CDH12: variants seen among roughly 807,000 people sequenced by gnomAD.
CDH12 encodes cadherin 12, also known as cadherin-12.
Under a neutral mutation model 74.1 loss-of-function variants are expected in CDH12, and 41 were observed. The ratio of observed to expected loss-of-function variants is 0.55; its 90% CI spans 0.43 to 0.72. CDH12 has a LOEUF of 0.72. Ranked by LOEUF, CDH12 falls within the 30% of genes least tolerant of loss-of-function variation. The pLI, the probability that CDH12 is intolerant of heterozygous loss-of-function variation, is 0.00. For missense variants in CDH12, 945 were observed against 977.2 expected (o/e 0.97, Z 0.44); for synonymous variants, 399 against 355.0 (o/e 1.12, Z -1.39).
At chr5:21,863,579 G>T (rs1203819396) in intron 6 of CDH12, among the ~76,000 whole-genome samples, 1 of 152,102 alleles carries the variant, frequency 6.6e-6, no homozygotes, top group Non-Finnish European at 1.5e-5. Flanking sequence ...ACACAGAAAA[G>T]ACAGAAATAC....
At chr5:22,692,221 C>T (rs1174609207) in intron 1 of CDH12, among the ~76,000 whole-genome samples, 1 of 152,182 alleles carries the variant, frequency 6.6e-6, no homozygotes, top group East Asian at 1.9e-4. Flanking sequence ...TGAACTGAAG[C>T]AGTCTGGGGC....
chr5:22,618,997 G>A (rs1170212879), intron 1 of CDH12, among the ~76,000 whole-genome samples: 2 of 152,042 alleles, frequency 1.3e-5, no homozygotes, highest in Admixed American at 6.6e-5. Flanking sequence ...GTGGAACTGT[G>A]AGTTCATTAA....
intron 4 of CDH12, among the ~76,000 whole-genome samples, chr5:22,122,251 A>C (rs1745561254): frequency 6.6e-6 from 1 of 152,032 alleles, no homozygotes; most frequent in South Asian, 2.1e-4. Context: ...AAAAATACAA[A>C]AATTAGGTGG....
chr5:21,812,643 A>T (rs1272773232), intron 9 of CDH12, among the ~76,000 whole-genome samples: 1 of 152,116 alleles, frequency 6.6e-6, no homozygotes, highest in African/African-American at 2.4e-5. Context: ...ATTTTCTCAC[A>T]TTTTTATTAA....
intron 1 of CDH12, among the ~76,000 whole-genome samples, chr5:22,613,859 C>G (rs534922680): frequency 2.8e-4 from 42 of 152,026 alleles, no homozygotes; most frequent in African/African-American, 9.6e-4. Flanking sequence ...TTCCCAAATG[C>G]TAGATTGTAG....
chr5:22,737,041 A>G (rs535394735), intron 1 of CDH12, among the ~76,000 whole-genome samples: 1 of 152,086 alleles, frequency 6.6e-6, no homozygotes, highest in East Asian at 1.9e-4. Flanking sequence ...TATTCAGAAG[A>G]TATAGAGAGA....
At chr5:22,092,890 A>G (rs1200876761) in intron 4 of CDH12, among the ~76,000 whole-genome samples, 2 of 152,184 alleles carry the variant, frequency 1.3e-5, no homozygotes, top group Non-Finnish European at 2.9e-5. Flanking sequence ...AAAATCTCAT[A>G]TATTCATATG....
intron 3 of CDH12, among the ~76,000 whole-genome samples, chr5:22,370,645 T>C (rs908270309): frequency 6.6e-6 from 1 of 152,144 alleles, no homozygotes; most frequent in Non-Finnish European, 1.5e-5. Flanking sequence ...TAGCACTTAT[T>C]ATATGCCTAG....
chr5:22,129,701 C>T (rs899748741), intron 4 of CDH12, among the ~76,000 whole-genome samples: 1 of 151,612 alleles, frequency 6.6e-6, no homozygotes, highest in African/African-American at 2.4e-5. Context: ...TTTTTTCATT[C>T]GAAATAAATT....
chr5:22,742,260 C>A (rs768126595), intron 1 of CDH12, among the ~76,000 whole-genome samples: 4 of 151,668 alleles, frequency 2.6e-5, no homozygotes, highest in Non-Finnish European at 4.4e-5. Flanking sequence ...AAAGAAAAGA[C>A]CTTCCAAGAA....
intron 2 of CDH12, among the ~76,000 whole-genome samples, chr5:22,473,231 G>A (rs1746039825): frequency 1.3e-5 from 2 of 151,828 alleles, no homozygotes; most frequent in Admixed American, 1.3e-4. Flanking sequence ...AGCCTTTCCC[G>A]AACTCCCCAT....
intron 5 of CDH12, among the ~76,000 whole-genome samples, chr5:22,050,167 G>A (rs953443543): frequency 2.0e-5 from 3 of 151,862 alleles, no homozygotes; most frequent in Admixed American, 1.3e-4. Flanking sequence ...ATCTTCCTAT[G>A]TAGTATCTCT....
At chr5:22,136,522 T>C (rs1425022684) in intron 4 of CDH12, among the ~76,000 whole-genome samples, 1 of 151,666 alleles carries the variant, frequency 6.6e-6, no homozygotes, top group Non-Finnish European at 1.5e-5. Context: ...GACCTATATT[T>C]GGCACTAAAA....
intron 2 of CDH12, among the ~76,000 whole-genome samples, chr5:22,410,192 T>C (rs1361415534): frequency 6.6e-6 from 1 of 151,988 alleles, no homozygotes; most frequent in African/African-American, 2.4e-5. Context: ...CTCAGTTCCA[T>C]TCTCCCCCAA....
chr5:21,882,611 C>T (rs564488367), intron 6 of CDH12: 95 of 1,602,542 alleles, frequency 5.9e-5, no homozygotes, highest in South Asian at 7.7e-5. Context: ...CACAGTCTTT[C>T]GCCAGATGAG....
At chr5:22,583,612 A>G (rs1272862023) in intron 1 of CDH12, among the ~76,000 whole-genome samples, 1 of 152,164 alleles carries the variant, frequency 6.6e-6, no homozygotes, top group Admixed American at 6.5e-5. Context: ...GAATGCCATG[A>G]TTTTTAAGAG....
intron 10 of CDH12, among the ~76,000 whole-genome samples, chr5:21,787,619 ATCTGTAATTGATT>A (rs1312230057): frequency 1.3e-5 from 2 of 152,130 alleles, no homozygotes; most frequent in African/African-American, 4.8e-5. Flanking sequence ...TCCAGGGTAT[ATCTGTAATTGATT>A]TCTGAACCAG....
chr5:22,121,523 G>A (rs1037191789), intron 4 of CDH12, among the ~76,000 whole-genome samples: 1 of 152,174 alleles, frequency 6.6e-6, no homozygotes, highest in Admixed American at 6.6e-5. Flanking sequence ...CATGTTTCTA[G>A]TACCTTCTCT....
intron 1 of CDH12, among the ~76,000 whole-genome samples, chr5:22,645,414 AGATTGCT>A (rs1297915645): frequency 9.2e-5 from 14 of 152,076 alleles, no homozygotes; most frequent in Non-Finnish European, 1.8e-4. Flanking sequence ...ATGTGGGGCT[AGATTGCT>A]GAAATCTGCT....
Sources: allele counts gnomAD v4.1 joint callset (sites outside exome capture counted in the v4.1 genomes callset), GRCh38; gene constraint gnomAD v4.1.1; transcripts MANE v1.5; gene names NCBI Gene and HGNC (gene_info 2026-07-23, HGNC 2026-07-21).